The following AKAP13 variants were observed in gnomAD, a reference collection of about 807,000 sequenced individuals.
The protein encoded by AKAP13 is A-kinase anchoring protein 13.
In AKAP13, 80 loss-of-function variants were observed where a neutral mutation model predicts 264.5. The ratio of observed to expected loss-of-function variants is 0.30; its 90% CI spans 0.25 to 0.36. AKAP13 has a LOEUF of 0.36. Ranked by LOEUF, AKAP13 falls within the 10% of genes least tolerant of loss-of-function variation. AKAP13 has a pLI of 1.00. For missense variants in AKAP13, 3,712 were observed against 3,435.2 expected (o/e 1.08, Z -2.01); for synonymous variants, 1,380 against 1,250.2 (o/e 1.10, Z -2.19).
intron 5 of AKAP13, chr15:85,555,398 C>G: frequency 7.8e-7 from 1 of 1,284,596 alleles, no homozygotes. Flanking sequence ...GGAGGGGTAA[C>G]CAGGCTGCTT....
At chr15:85,578,806 A>G in intron 6 of AKAP13, 124 bp from the exon 7 acceptor site, 1 of 846,912 alleles carries the variant, frequency 1.2e-6, no homozygotes, top group Non-Finnish European at 1.9e-6. Context: ...AGATTCGCTT[A>G]TCATGTGACC....
chr15:85,551,264 G>A (rs74415890), intron 5 of AKAP13, among the ~76,000 whole-genome samples: 12,408 of 152,108 alleles, frequency 0.082, 815 homozygotes, highest in East Asian at 0.36. Flanking sequence ...TGCCTATCTG[G>A]CAACATGCTA....
chr15:85,560,322 T>G (rs1396937037), intron 5 of AKAP13, among the ~76,000 whole-genome samples: 1 of 151,996 alleles, frequency 6.6e-6, no homozygotes, highest in Non-Finnish European at 1.5e-5. Context: ...AATTTTTTTT[T>G]GCAAAGAGTG....
At chr15:85,608,449 A>G (rs1165202006) in intron 8 of AKAP13, among the ~76,000 whole-genome samples, 8 of 152,208 alleles carry the variant, frequency 5.3e-5, no homozygotes, top group Admixed American at 2.6e-4. Flanking sequence ...AATTTAAGAA[A>G]TGGCTGTTGC....
chr15:85,677,201 C>G, intron 14 of AKAP13: 1 of 872,834 alleles, frequency 1.1e-6, no homozygotes, highest in Admixed American at 6.2e-5. Flanking sequence ...GGCTTTTAGC[C>G]TCTTGCATGC....
chr15:85,475,954 A>G (rs773951730), intron 1 of AKAP13, among the ~76,000 whole-genome samples: 4 of 152,200 alleles, frequency 2.6e-5, no homozygotes, highest in African/African-American at 7.2e-5. Flanking sequence ...AGGGTGCTAC[A>G]GGAGACATCT....
intron 5 of AKAP13, among the ~76,000 whole-genome samples, chr15:85,559,730 G>T (rs2078291241): frequency 7.7e-6 from 1 of 129,296 alleles, no homozygotes; most frequent in African/African-American, 2.9e-5. Flanking sequence ...GAATTCAGGT[G>T]GTAATGCAAG....
intron 1 of AKAP13, among the ~76,000 whole-genome samples, chr15:85,384,434 T>C (rs1428156447): frequency 5.3e-5 from 8 of 152,100 alleles, no homozygotes; most frequent in Admixed American, 3.9e-4. Context: ...GTTTGTTTCA[T>C]AGCCTGGCGC....
chr15:85,510,492 G>C (rs532359872), intron 2 of AKAP13, among the ~76,000 whole-genome samples: 1 of 152,232 alleles, frequency 6.6e-6, no homozygotes, highest in South Asian at 2.1e-4. Flanking sequence ...AATATTTTCA[G>C]ATATTTTAAG....
At chr15:85,427,453 G>T (rs1399545721) in intron 1 of AKAP13, among the ~76,000 whole-genome samples, 1 of 152,010 alleles carries the variant, frequency 6.6e-6, no homozygotes, top group Non-Finnish European at 1.5e-5. Flanking sequence ...GCACTTTTAT[G>T]ATGGGAGTAT....
intron 2 of AKAP13, among the ~76,000 whole-genome samples, chr15:85,497,216 G>A (rs1454604912): frequency 6.6e-6 from 1 of 152,200 alleles, no homozygotes; most frequent in Non-Finnish European, 1.5e-5. Flanking sequence ...AAGTATTTGT[G>A]AAGCACCTAT....
At chr15:85,490,017 T>A (rs144713499) in intron 2 of AKAP13, among the ~76,000 whole-genome samples, 1,614 of 152,306 alleles carry the variant, frequency 0.011, 36 homozygotes, top group African/African-American at 0.037. Context: ...CATCACTAAG[T>A]CGGGTTTTTC....
rs1465267532 is a variant in AKAP13, at chr15:85,442,333, C to T, written c.-11-43377C>T. 2.0e-5 allele frequency among the ~76,000 whole-genome samples: 3 copies of T among 147,166 alleles called. No individual in the cohort carries two copies. The East Asian group carries it at 5.9e-4, about 29-fold the overall frequency. On this transcript the variant is annotated intron_variant, in intron 1 of 36. Transcript: ENST00000394518. Reference sequence around the variant, plus strand: ...GCTGAGGCAGGAGAATTGCTTGAACCCAGGAGGCGGAGGTTGCAGTGAGCC... The same window carrying T: ...GCTGAGGCAGGAGAATTGCTTGAACTCAGGAGGCGGAGGTTGCAGTGAGCC...
intron 4 of AKAP13, among the ~76,000 whole-genome samples, chr15:85,540,138 G>A (rs757357016): frequency 6.6e-6 from 1 of 152,230 alleles, no homozygotes; most frequent in African/African-American, 2.4e-5. Context: ...AGGGCAGGAG[G>A]GGGAGGGAAG....
chr15:85,408,157 T>C (rs1329079693), intron 1 of AKAP13, among the ~76,000 whole-genome samples: 1 of 151,680 alleles, frequency 6.6e-6, no homozygotes, highest in African/African-American at 2.4e-5. Flanking sequence ...TGTTTACATT[T>C]GGCTTAGATT....
chr15:85,542,663 G>A (rs2077612983), intron 4 of AKAP13, among the ~76,000 whole-genome samples: 1 of 152,190 alleles, frequency 6.6e-6, no homozygotes, highest in Admixed American at 6.5e-5. Context: ...GTACAGCCTT[G>A]TGGGGCTATA....
At chr15:85,692,609 C>T (rs1307937340) in intron 16 of AKAP13, among the ~76,000 whole-genome samples, 2 of 152,138 alleles carry the variant, frequency 1.3e-5, no homozygotes, top group East Asian at 3.8e-4. Flanking sequence ...GTTTTCCAGC[C>T]TCCCCTTCTT....
chr15:85,693,255 A>T (rs763818579), intron 16 of AKAP13, 22 bp from the exon 17 acceptor site: 1 of 1,583,214 alleles, frequency 6.3e-7, no homozygotes, highest in East Asian at 2.3e-5. Flanking sequence ...TTAACTGTGG[A>T]TTATTTTCTT....
intron 9 of AKAP13, among the ~76,000 whole-genome samples, chr15:85,645,075 A>G (rs1055207768): frequency 2.6e-5 from 4 of 152,204 alleles, no homozygotes; most frequent in Non-Finnish European, 5.9e-5. Flanking sequence ...AGCTGAGATC[A>G]TGTCACCGTA....
Sources: gnomAD v4.1 joint callset for allele counts (sites outside exome capture counted in the v4.1 genomes callset) on GRCh38, gnomAD v4.1.1 for gene constraint, MANE v1.5 for transcripts, NCBI Gene and HGNC (gene_info 2026-07-23, HGNC 2026-07-21) for gene names.